Variants in CCDC15 observed in about 807,000 individuals in gnomAD.
The protein encoded by CCDC15 is coiled-coil domain-containing protein 15.
CCDC15 carries 105 observed loss-of-function variants against 114.5 expected under a neutral mutation model. That is an observed-to-expected ratio of 0.92 (90% CI 0.78 to 1.08). The LOEUF is 1.08. Ranked by LOEUF, CCDC15 falls within the 50% of genes least tolerant of loss-of-function variation. The pLI is 0.00. For synonymous variants in CCDC15, 334 were observed against 377.8 expected (o/e 0.88, Z 1.34); for missense variants, 1,105 against 1,093.6 (o/e 1.01, Z -0.15).
At position 125,003,919 on chromosome 11, in the gene CCDC15, C is replaced by A; in HGVS notation, c.2267C>A (p.Ala756Glu). 1 of 1,564,774 alleles carries A rather than the reference C, an allele frequency of 6.4e-7. No individual in the cohort carries two copies. The stretch of plus-strand genomic sequence containing the variant: ...AGCACTGAATTCCAAGCTCCACTGG[C>A]ATTTCAGTCTGACGTGGATAAAGAA... ...GLSTEFQAPL[A>E]FQSDVDKEED... is the part of the protein sequence containing the mutation. The change falls in exon 12 of 16, where the codon GCA (alanine) becomes GAA (glutamate). Residue 756 changes from alanine (A) to glutamate (E), a missense_variant. Coordinates refer to ENST00000344762, the MANE Select transcript of CCDC15 (RefSeq NM_025004.3).
chr11:124,957,778 A>G (rs1019052264), intron 2 of CCDC15, among the ~76,000 whole-genome samples: 31 of 152,338 alleles, frequency 2.0e-4, no homozygotes, highest in African/African-American at 6.7e-4. Context: ...TGAAATTTGA[A>G]TGCATTTGAT....
In CCDC15 at chr11:125,019,338, G is replaced by A. The variant is rs530316207; in HGVS notation, c.2411+14126G>A. 3.9e-5 allele frequency among the ~76,000 whole-genome samples: 6 copies of A among 152,122 alleles called. No individual in the cohort carries two copies. The South Asian group carries it at 6.2e-4, about 16-fold the overall frequency. ...ACTGAGTGCTTAGAATGTGCTAGGC[G>A]TAGTGTTGAGTGCTTTAGAGACACT... On this transcript the variant is annotated intron_variant, in intron 13 of 15. Transcript: ENST00000344762.
At chr11:124,976,418 A>G (rs1947974191) in intron 5 of CCDC15, among the ~76,000 whole-genome samples, 1 of 152,072 alleles carries the variant, frequency 6.6e-6, no homozygotes, top group Non-Finnish European at 1.5e-5. Context: ...ATGTATGGCA[A>G]CACATCCCAC....
chr11:124,988,215 T>C, intron 8 of CCDC15, 81 bp downstream of exon 8: 1 of 1,398,930 alleles, frequency 7.1e-7, no homozygotes, highest in Non-Finnish European at 9.7e-7. Context: ...GGACTGCAAG[T>C]ATACCTTGGA....
chr11:125,005,293 GGTT>G, intron 13 of CCDC15, 81 bp downstream of exon 13: 1 of 604,290 alleles, frequency 1.7e-6, no homozygotes, highest in Non-Finnish European at 2.8e-6. Context: ...AAAAGGTAAT[GGTT>G]TTGCCCTCTG....
intron 13 of CCDC15, among the ~76,000 whole-genome samples, chr11:125,009,924 T>C (rs934772790): frequency 1.2e-4 from 19 of 152,204 alleles, no homozygotes; most frequent in African/African-American, 4.6e-4. Context: ...CCTAGGTTGA[T>C]TCTGTGTCTT....
At chr11:124,991,395 G>A (rs1332387389) in intron 8 of CCDC15, 66 bp from the exon 9 acceptor site, 28 of 1,119,048 alleles carry the variant, frequency 2.5e-5, no homozygotes, top group Middle Eastern at 2.5e-4. Context: ...ATGAAGCCTA[G>A]AATATTATTG....
Position 125,005,132 on chromosome 11 carries a change from T to C in CCDC15, c.2331T>C (p.His777=). 2 of 1,552,622 alleles carry C rather than the reference T, an allele frequency of 1.3e-6. No individual in the cohort carries two copies. Residue 777 remains histidine, a synonymous_variant, in exon 13 of 16, where the codon CAT becomes CAC. Coordinates refer to ENST00000344762, the MANE Select transcript of CCDC15 (RefSeq NM_025004.3). ...KKERQKQYLR[H]RRLFMDIERE... ...AGCGTCAAAAGCAGTACCTGAGACATAGACGACTTTTCATGGATATTGAGA... is the reference window on the plus strand; with the variant it reads ...AGCGTCAAAAGCAGTACCTGAGACACAGACGACTTTTCATGGATATTGAGA...
At chr11:125,033,855 C>T in intron 13 of CCDC15, among the ~76,000 whole-genome samples, 1 of 152,340 alleles carries the variant, frequency 6.6e-6, no homozygotes, top group East Asian at 1.9e-4. Flanking sequence ...TATGTTCCTT[C>T]TATCATCATC....
chr11:125,041,340 A>G lies in CCDC15; in HGVS notation c.*629A>G, dbSNP rs920146475. On this transcript the variant is annotated 3_prime_UTR_variant, in exon 16 of 16. Transcript: ENST00000344762. ...TAAATAAATCCTTTGTCTTTTGAAT[A>G]TCTTCTATGTGAAATAATTGTGAGT... 1 of 152,148 alleles carries G rather than the reference A, an allele frequency of 6.6e-6. No homozygotes were observed. The highest frequency in any genetic ancestry group is 2.4e-5 in the African/African-American group (1 of 41,436). 9.4% of individuals were successfully genotyped at this position (152,148 alleles called of 1,614,324 possible). A position where few individuals can be genotyped will look rare whatever the true frequency, so the allele number is the denominator to read the frequency against.
intron 13 of CCDC15, among the ~76,000 whole-genome samples, chr11:125,021,718 G>A (rs1024750688): frequency 3.3e-5 from 5 of 151,706 alleles, no homozygotes; most frequent in African/African-American, 1.2e-4. Flanking sequence ...AAAGAGGGAC[G>A]GGGCTGACTC....
rs777934573 is a variant in CCDC15 at position 124,954,742 on chromosome 11, A to G, written c.10A>G (p.Ser4Gly). 2 of 1,613,808 alleles carry G rather than the reference A, an allele frequency of 1.2e-6. No homozygotes were observed. The highest frequency in any genetic ancestry group is 2.2e-5 in the East Asian group (1 of 44,878). Residue 4 changes from serine to glycine, a missense_variant, in exon 2 of 16, where the codon AGT becomes GGT. Transcript: ENST00000344762. ...TAATCAGGAGTCACAGATGCTGGGAAGTATGGCCCGAAAGAAACCTCGAAA... is the reference window on the plus strand; with the variant it reads ...TAATCAGGAGTCACAGATGCTGGGAGGTATGGCCCGAAAGAAACCTCGAAA... MLG[S>G]MARKKPRNTS...
rs923204039 is a variant in CCDC15 at position 125,034,400 on chromosome 11, C to T, written c.2412-4031C>T. The stretch of plus-strand genomic sequence containing the variant: ...CCTTTCATTGCAGGCCAGCCACTCG[C>T]GTGATAAAAGCTTGTGTCTGGTTTT... On this transcript the variant is annotated intron_variant, in intron 13 of 15. Transcript: ENST00000344762. Among the ~76,000 whole-genome samples, 93 of 152,200 alleles carry T rather than the reference C, an allele frequency of 6.1e-4. 1 individual carries two copies. Among genetic ancestry groups the T allele is most frequent in the African/African-American group, 2.1e-3 (88 of 41,436 alleles).
At chr11:124,962,392 A>G (rs754652670) in intron 4 of CCDC15, among the ~76,000 whole-genome samples, 31 of 152,236 alleles carry the variant, frequency 2.0e-4, no homozygotes, top group Admixed American at 3.9e-4. Flanking sequence ...ACATGAAAGT[A>G]TTTGATGTCT....
At chr11:124,959,788 A>G (rs2135429316) in intron 3 of CCDC15, 27 bp from the exon 4 acceptor site, 1 of 1,527,762 alleles carries the variant, frequency 6.5e-7, no homozygotes, top group East Asian at 2.3e-5. Flanking sequence ...GTAGAATGTT[A>G]CTATCCCCCT....
At chr11:124,965,740 C>T (rs1182831821) in intron 4 of CCDC15, among the ~76,000 whole-genome samples, 15 of 152,070 alleles carry the variant, frequency 9.9e-5, no homozygotes, top group Admixed American at 7.2e-4. Context: ...GTTAGGGTGA[C>T]GATTTTAGAT....
chr11:124,983,084 T>G (rs1948099010), intron 6 of CCDC15, among the ~76,000 whole-genome samples: 1 of 152,220 alleles, frequency 6.6e-6, no homozygotes, highest in Non-Finnish European at 1.5e-5. Flanking sequence ...TGGTTAATTC[T>G]GTTATTAATA....
rs1948171482 is a variant in CCDC15, at chr11:124,986,759, A to G, written c.771A>G (p.Glu257=). The G allele has an allele frequency of 1.9e-6, 3 of 1,545,184 alleles. No individual in the cohort carries two copies. Among genetic ancestry groups the G allele is most frequent in the Non-Finnish European group, 2.6e-6 (3 of 1,145,348 alleles). ...TTCTTTAGGAACTTGACTATGAGGA[A>G]CCTGACTATGAGGAATCTTCATCTC... ...YMENQELDYE[E]PDYEESSSLV... The change falls in exon 7 of 16, where the codon GAA becomes GAG. Residue 257 remains glutamate, a synonymous_variant. Coordinates refer to ENST00000344762, the MANE Select transcript of CCDC15 (RefSeq NM_025004.3).
At chr11:125,024,624 AT>A (rs1470082294) in intron 13 of CCDC15, among the ~76,000 whole-genome samples, 1 of 152,074 alleles carries the variant, frequency 6.6e-6, no homozygotes, top group Non-Finnish European at 1.5e-5. Context: ...ATGTATGGAA[AT>A]GCACAGTTGA....
Sources: allele counts gnomAD v4.1 joint callset (sites outside exome capture counted in the v4.1 genomes callset), GRCh38; gene constraint gnomAD v4.1.1; transcripts MANE v1.5; gene names NCBI Gene and HGNC (gene_info 2026-07-23, HGNC 2026-07-21).